The following PDS5A variants were observed in gnomAD, a reference collection of about 807,000 sequenced individuals.
PDS5A encodes PDS5 cohesin associated factor A, also known as sister chromatid cohesion protein PDS5 homolog A.
A neutral mutation model predicts 167.1 loss-of-function variants in PDS5A; 42 were observed. That is an observed-to-expected ratio of 0.25 (90% CI 0.20 to 0.33). PDS5A has a LOEUF of 0.33. Ranked by LOEUF, PDS5A falls within the 10% of genes least tolerant of loss-of-function variation. PDS5A has a pLI of 1.00. For missense variants in PDS5A, 1,033 were observed against 1,605.9 expected (o/e 0.64, Z 6.10); for synonymous variants, 553 against 554.6 (o/e 1.00, Z 0.04).
chr4:39,930,246 A>AAAGTTTTTT, intron 2 of PDS5A, among the ~76,000 whole-genome samples: 7 of 93,084 alleles, frequency 7.5e-5, no homozygotes, highest in Non-Finnish European at 1.6e-4. Flanking sequence ...AAAAAAAAAA[A>AAAGTTTTTT]GTTTTTTTGT....
At chr4:39,897,647 C>T (rs900302674) in intron 16 of PDS5A, among the ~76,000 whole-genome samples, 16 of 152,092 alleles carry the variant, frequency 1.1e-4, no homozygotes, top group African/African-American at 3.9e-4. Flanking sequence ...GATCCACACG[C>T]CTTGGACTCC....
At chr4:39,895,053 G>A (rs947016734) in intron 16 of PDS5A, among the ~76,000 whole-genome samples, 28 of 151,864 alleles carry the variant, frequency 1.8e-4, no homozygotes, top group Admixed American at 8.5e-4. Context: ...TGGTGAAACC[G>A]CGTCTCTACT....
intron 11 of PDS5A, among the ~76,000 whole-genome samples, chr4:39,906,686 G>C (rs928469096): frequency 6.6e-6 from 1 of 151,716 alleles, no homozygotes; most frequent in East Asian, 1.9e-4. Context: ...GGAGAATGAA[G>C]CAAGAGGATC....
intron 2 of PDS5A, among the ~76,000 whole-genome samples, chr4:39,960,474 C>T: frequency 6.6e-6 from 1 of 152,014 alleles, no homozygotes; most frequent in East Asian, 1.9e-4. Context: ...CGAATGCCAA[C>T]AGCAAGGGAA....
intron 26 of PDS5A, among the ~76,000 whole-genome samples, chr4:39,850,844 C>T (rs1406650519): frequency 6.6e-6 from 1 of 152,162 alleles, no homozygotes; most frequent in Non-Finnish European, 1.5e-5. Context: ...CTTAAATAGA[C>T]AAATCTGGAA....
At chr4:39,874,030 T>C (rs1346682428) in intron 20 of PDS5A, among the ~76,000 whole-genome samples, 2 of 151,966 alleles carry the variant, frequency 1.3e-5, no homozygotes, top group Non-Finnish European at 2.9e-5. Flanking sequence ...GGTGAGAAAG[T>C]GAAACTTTAT....
At chr4:39,866,132 T>A (rs1560438501) in intron 23 of PDS5A, among the ~76,000 whole-genome samples, 1 of 152,216 alleles carries the variant, frequency 6.6e-6, no homozygotes, top group African/African-American at 2.4e-5. Context: ...TTATTTATTT[T>A]GAGACAGGCT....
intron 2 of PDS5A, among the ~76,000 whole-genome samples, chr4:39,951,324 T>C (rs1405090761): frequency 6.6e-6 from 1 of 152,224 alleles, no homozygotes; most frequent in Non-Finnish European, 1.5e-5. Flanking sequence ...CTGTCTGGCA[T>C]ACATGGGGGC....
intron 32 of PDS5A, among the ~76,000 whole-genome samples, chr4:39,835,963 C>T (rs1578571935): frequency 6.6e-6 from 1 of 152,224 alleles, no homozygotes; most frequent in Non-Finnish European, 1.5e-5. Context: ...CTCTTGAAAC[C>T]GTTCAGAGAA....
At chr4:39,848,746 C>T (rs2109513553) in intron 28 of PDS5A, 105 bp downstream of exon 28, 1 of 1,016,184 alleles carries the variant, frequency 9.8e-7, no homozygotes, top group Non-Finnish European at 1.5e-6. Flanking sequence ...CAGATTTTTT[C>T]TTTACTCTGT....
rs2109453809 is a variant in PDS5A at position 39,825,072 on chromosome 4, A to T, written c.*413T>A. 1 of 159,722 alleles carries T rather than the reference A, an allele frequency of 6.3e-6. No individual in the cohort carries two copies. The highest frequency in any genetic ancestry group is 3.0e-3 in the Middle Eastern group (1 of 328). The allele number at this position is 159,722 out of a possible 1,614,324, so 9.9% of individuals were successfully genotyped here. A position where few individuals can be genotyped will look rare whatever the true frequency, so the allele number is the denominator to read the frequency against. ...TAACATGGGAATTCCTGGCTCTAAAATGGATGAATTTTCAGTGTCAGTGTA... is the reference window on the plus strand; with the variant it reads ...TAACATGGGAATTCCTGGCTCTAAATTGGATGAATTTTCAGTGTCAGTGTA... On this transcript the variant is annotated 3_prime_UTR_variant, in exon 33 of 33. Transcript: ENST00000303538.
intron 23 of PDS5A, among the ~76,000 whole-genome samples, chr4:39,865,584 G>A (rs750330958): frequency 9.9e-5 from 15 of 152,190 alleles, no homozygotes; most frequent in Non-Finnish European, 1.8e-4. Context: ...GGAGTACAAT[G>A]GCGTGATCTT....
chr4:39,954,094 A>G (rs1728671348), intron 2 of PDS5A, among the ~76,000 whole-genome samples: 1 of 152,090 alleles, frequency 6.6e-6, no homozygotes, highest in African/African-American at 2.4e-5. Flanking sequence ...TAATCTCAGC[A>G]CTTTGGGAGG....
At chr4:39,930,246 A>AAAAAAAAAAAAAATTT in intron 2 of PDS5A, among the ~76,000 whole-genome samples, 2 of 93,166 alleles carry the variant, frequency 2.1e-5, no homozygotes, top group Admixed American at 1.1e-4. Flanking sequence ...AAAAAAAAAA[A>AAAAAAAAAAAAAATTT]GTTTTTTTGT....
chr4:39,960,382 G>A (rs1182428335), intron 2 of PDS5A, among the ~76,000 whole-genome samples: 1 of 152,160 alleles, frequency 6.6e-6, no homozygotes, highest in Non-Finnish European at 1.5e-5. Context: ...AAGTTCCAAA[G>A]GCTGAGGGAT....
chr4:39,836,495 C>T (rs1283365786), intron 32 of PDS5A, among the ~76,000 whole-genome samples: 7 of 151,988 alleles, frequency 4.6e-5, no homozygotes, highest in Non-Finnish European at 5.9e-5. Context: ...AGTGCAATGG[C>T]GCAATCTCTG....
intron 23 of PDS5A, among the ~76,000 whole-genome samples, chr4:39,864,841 A>G (rs536481687): frequency 6.6e-6 from 1 of 152,322 alleles, no homozygotes; most frequent in South Asian, 2.1e-4. Flanking sequence ...AAAAGGTAAT[A>G]CTATATTATA....
intron 2 of PDS5A, 100 bp from the exon 3 acceptor site, chr4:39,928,264 C>A (rs983037906): frequency 1.5e-6 from 1 of 684,084 alleles, no homozygotes; most frequent in Non-Finnish European, 2.5e-6. Context: ...CATTAGCAAT[C>A]GGTGGCCACC....
intron 26 of PDS5A, among the ~76,000 whole-genome samples, chr4:39,851,903 G>C (rs1160219869): frequency 6.6e-6 from 1 of 152,082 alleles, no homozygotes; most frequent in African/African-American, 2.4e-5. Context: ...ATAGGGTCAG[G>C]ATTACTCTCA....
Sources: gnomAD v4.1 joint callset for allele counts (sites outside exome capture counted in the v4.1 genomes callset) on GRCh38, gnomAD v4.1.1 for gene constraint, MANE v1.5 for transcripts, NCBI Gene and HGNC (gene_info 2026-07-23, HGNC 2026-07-21) for gene names.